The following GFPT1 variants were observed in gnomAD, a reference collection of about 807,000 sequenced individuals.
The protein encoded by GFPT1 is glutamine--fructose-6-phosphate transaminase 1.
GFPT1 carries 40 observed loss-of-function variants against 92.0 expected under a neutral mutation model. The ratio of observed to expected loss-of-function variants is 0.43; its 90% CI spans 0.34 to 0.57. GFPT1 has a LOEUF of 0.57. Among genes scored for constraint, GFPT1 ranks in the 20% least tolerant of loss-of-function variants. The pLI, the probability that GFPT1 is intolerant of heterozygous loss-of-function variation, is 0.02. For synonymous variants in GFPT1, 269 were observed against 280.6 expected, an observed-to-expected ratio of 0.96 and a Z score of 0.41; for missense variants, 448 against 869.1, an observed-to-expected ratio of 0.52 and a Z score of 6.09.
chr2:69,362,264 G>T (rs907086916), intron 4 of GFPT1, among the ~76,000 whole-genome samples: 1 of 151,992 alleles, frequency 6.6e-6, no homozygotes, highest in Non-Finnish European at 1.5e-5. Flanking sequence ...GAGTAGCTGG[G>T]ACTATGGGCG....
intron 14 of GFPT1, 53 bp from the exon 15 acceptor site, chr2:69,338,108 G>A (rs975805734): frequency 1.3e-6 from 2 of 1,533,656 alleles, no homozygotes; most frequent in African/African-American, 1.4e-5. Context: ...AACATATGCT[G>A]TTTCTTAGGA....
intron 7 of GFPT1, 131 bp from the exon 8 acceptor site, chr2:69,354,699 C>CATCT: frequency 1.5e-6 from 1 of 688,336 alleles, no homozygotes; most frequent in Non-Finnish European, 2.6e-6. Flanking sequence ...GATATAAGAA[C>CATCT]TAGATAAAAA....
chr2:69,344,957 C>T (rs1387640903), intron 12 of GFPT1, among the ~76,000 whole-genome samples: 1 of 152,058 alleles, frequency 6.6e-6, no homozygotes, highest in African/African-American at 2.4e-5. Context: ...AAACCGTGAA[C>T]TTCCCAAAGT....
intron 11 of GFPT1, among the ~76,000 whole-genome samples, chr2:69,346,634 A>G (rs927177787): frequency 3.3e-5 from 5 of 152,224 alleles, no homozygotes; most frequent in Non-Finnish European, 7.3e-5. Flanking sequence ...CTATAAAATA[A>G]GAGACCAATT....
intron 1 of GFPT1, among the ~76,000 whole-genome samples, chr2:69,383,668 C>T (rs1672061974): frequency 6.6e-6 from 1 of 152,158 alleles, no homozygotes. Context: ...TCTTGTCGCC[C>T]AGGCTGGAGT....
At chr2:69,328,215 G>A (rs1670578095) in intron 18 of GFPT1, 56 bp downstream of exon 18, 1 of 1,293,834 alleles carries the variant, frequency 7.7e-7, no homozygotes, top group Non-Finnish European at 1.1e-6. Flanking sequence ...ATTCAAATAA[G>A]CTAGCGTAAC....
intron 12 of GFPT1, 125 bp from the exon 13 acceptor site, chr2:69,342,374 T>C: frequency 1.4e-6 from 1 of 714,070 alleles, no homozygotes; most frequent in East Asian, 2.5e-5. Flanking sequence ...TTAATATTCC[T>C]CTTGGAAAGC....
At chr2:69,370,231 T>C (rs1017010761) in intron 2 of GFPT1, 123 bp from the exon 3 acceptor site, 4 of 702,872 alleles carry the variant, frequency 5.7e-6, no homozygotes, top group South Asian at 1.5e-5. Context: ...AATGTATTAA[T>C]TCAATTACCT....
At chr2:69,363,322 G>A (rs763380704) in intron 4 of GFPT1, among the ~76,000 whole-genome samples, 6 of 151,848 alleles carry the variant, frequency 4.0e-5, no homozygotes, top group Admixed American at 6.6e-5. Context: ...ACGGCTGATC[G>A]TGAACTCCTG....
chr2:69,358,303 T>C, intron 6 of GFPT1, 26 bp downstream of exon 6: 2 of 1,591,952 alleles, frequency 1.3e-6, no homozygotes, highest in South Asian at 1.1e-5. Context: ...GTTGGCATAA[T>C]TATCTTTAAA....
chr2:69,351,218 C>T (rs1478350912), intron 9 of GFPT1, among the ~76,000 whole-genome samples: 1 of 152,096 alleles, frequency 6.6e-6, no homozygotes, highest in Non-Finnish European at 1.5e-5. Context: ...CCTTTTAATT[C>T]TTGTATTTCA....
chr2:69,364,317 A>T (rs1304827655), intron 3 of GFPT1, among the ~76,000 whole-genome samples: 1 of 152,210 alleles, frequency 6.6e-6, no homozygotes, highest in African/African-American at 2.4e-5. Flanking sequence ...TAAAGCAAAC[A>T]TGACAAAATT....
intron 2 of GFPT1, among the ~76,000 whole-genome samples, chr2:69,372,532 CATTG>C (rs1671776259): frequency 6.6e-6 from 1 of 151,862 alleles, no homozygotes; most frequent in South Asian, 2.1e-4. Context: ...GAGATCGCAC[CATTG>C]CACTCCAGCC....
chr2:69,353,232 C>A (rs954337661), intron 9 of GFPT1, among the ~76,000 whole-genome samples: 2 of 151,838 alleles, frequency 1.3e-5, no homozygotes, highest in South Asian at 4.2e-4. Flanking sequence ...TCCATTTGTA[C>A]AAAAAATTTA....
intron 15 of GFPT1, among the ~76,000 whole-genome samples, chr2:69,336,415 TTCTC>T (rs1234727165): frequency 1.3e-5 from 2 of 150,018 alleles, no homozygotes; most frequent in Non-Finnish European, 1.5e-5. Context: ...CTACAAAAAA[TTCTC>T]TATGAGAATC....
chr2:69,349,487 C>A (rs1671157852), intron 10 of GFPT1, among the ~76,000 whole-genome samples: 1 of 152,008 alleles, frequency 6.6e-6, no homozygotes, highest in African/African-American at 2.4e-5. Flanking sequence ...TTATTATTTT[C>A]TCTTATTTTC....
intron 15 of GFPT1, among the ~76,000 whole-genome samples, chr2:69,332,093 G>T (rs1012508882): frequency 2.4e-4 from 36 of 151,764 alleles, no homozygotes; most frequent in Non-Finnish European, 5.9e-5. Context: ...TTTTTAGCCT[G>T]TTTGAAATTA....
intron 18 of GFPT1, 50 bp downstream of exon 18, chr2:69,328,221 G>GTTA: frequency 7.1e-7 from 1 of 1,401,716 alleles, no homozygotes; most frequent in Non-Finnish European, 1.0e-6. Context: ...ATAAGCTAGC[G>GTTA]TAACTCCCCT....
intron 5 of GFPT1, 35 bp downstream of exon 5, chr2:69,359,233 C>T: frequency 8.5e-7 from 1 of 1,172,700 alleles, no homozygotes; most frequent in Non-Finnish European, 1.3e-6. Flanking sequence ...GAAGTATTCT[C>T]AAAGACTGGG....
Sources: gnomAD v4.1 joint callset for allele counts (sites outside exome capture counted in the v4.1 genomes callset) on GRCh38, gnomAD v4.1.1 for gene constraint, MANE v1.5 for transcripts, NCBI Gene and HGNC (gene_info 2026-07-23, HGNC 2026-07-21) for gene names.